Variants in TNPO1 observed in about 807,000 individuals in gnomAD.
TNPO1 encodes transportin-1.
In TNPO1, 8 loss-of-function variants were observed where a neutral mutation model predicts 119.5. The observed-to-expected ratio is 0.07, with a 90% CI of 0.04 to 0.12. The LOEUF (loss-of-function observed/expected upper bound fraction) is 0.12. Ranked by LOEUF, TNPO1 falls within the 10% of genes least tolerant of loss-of-function variation. The pLI is 1.00. For missense variants in TNPO1, 576 were observed against 1,089.8 expected (o/e 0.53, Z 6.64); for synonymous variants, 362 against 363.0 (o/e 1.00, Z 0.03).
In TNPO1 at chr5:72,889,968, G is replaced by A; in HGVS notation, c.1701+11G>A. ...CATTTAAACAAACCAGTAAGTATCT[G>A]TTAAGAACTATTAGGGAAAATAATG... On this transcript the variant is annotated intron_variant, in intron 14 of 24. Coordinates refer to ENST00000337273, the MANE Select transcript of TNPO1 (RefSeq NM_002270.4). The A allele has an allele frequency of 1.2e-6, 2 of 1,610,166 alleles. No individual in the cohort carries two copies. Among genetic ancestry groups the A allele is most frequent in the South Asian group, 2.2e-5 (2 of 90,534 alleles).
intron 24 of TNPO1, among the ~76,000 whole-genome samples, chr5:72,906,055 C>G (rs1014885013): frequency 1.4e-4 from 22 of 152,070 alleles, no homozygotes; most frequent in African/African-American, 3.9e-4. Context: ...TTCAACTATT[C>G]CTTTTTTCTT....
Position 72,826,526 on chromosome 5 carries a change from A to AT in TNPO1, c.15+9780dup, listed in dbSNP as rs200808962. 5.0e-3 allele frequency among the ~76,000 whole-genome samples: 758 copies of AT among 152,144 alleles called. 5 individuals carry two copies. The highest frequency in any genetic ancestry group is 0.024 in the Middle Eastern group (7 of 294). ...TCCAAGAGGGCAAGATCTTTGTTTT[A>AT]TTTTTTGCTGTATCTGCAAGATACA... is the stretch of plus-strand genomic sequence containing the variant. On this transcript the variant is annotated intron_variant, in intron 1 of 24. Coordinates refer to ENST00000337273, the MANE Select transcript of TNPO1 (RefSeq NM_002270.4).
At chr5:72,904,143 T>C (rs1749972728) in intron 23 of TNPO1, among the ~76,000 whole-genome samples, 1 of 152,184 alleles carries the variant, frequency 6.6e-6, no homozygotes, top group Non-Finnish European at 1.5e-5. Context: ...TAAGCCCATG[T>C]CATTATTTGC....
chr5:72,897,525 A>G (rs537371664), intron 20 of TNPO1, among the ~76,000 whole-genome samples: 1 of 151,922 alleles, frequency 6.6e-6, no homozygotes, highest in East Asian at 1.9e-4. Flanking sequence ...AGTCAAAAAG[A>G]TTCAGTGGCA....
At chr5:72,857,106 G>C (rs1462951633) in intron 4 of TNPO1, among the ~76,000 whole-genome samples, 1 of 152,076 alleles carries the variant, frequency 6.6e-6, no homozygotes, top group East Asian at 1.9e-4. Context: ...GATCACCTGA[G>C]GTCAGGAGTT....
At chr5:72,853,248 C>A (rs535960767) in intron 3 of TNPO1, among the ~76,000 whole-genome samples, 4 of 152,212 alleles carry the variant, frequency 2.6e-5, no homozygotes, top group African/African-American at 7.2e-5. Flanking sequence ...GCAAGGAGTT[C>A]AAGATCAGCA....
chr5:72,881,528 A>T (rs961752753), intron 9 of TNPO1, among the ~76,000 whole-genome samples: 4 of 152,158 alleles, frequency 2.6e-5, no homozygotes, highest in Non-Finnish European at 5.9e-5. Context: ...ACACTCCCCT[A>T]GGGGGATTGT....
intron 15 of TNPO1, among the ~76,000 whole-genome samples, chr5:72,892,843 A>T (rs1199635759): frequency 1.3e-5 from 2 of 152,150 alleles, no homozygotes; most frequent in Non-Finnish European, 2.9e-5. Context: ...CATGAAATGA[A>T]TCTCTTCAAT....
At chr5:72,848,176 CG>C in intron 1 of TNPO1, 1 of 1,224,224 alleles carries the variant, frequency 8.2e-7, no homozygotes, top group Admixed American at 4.4e-5. Context: ...CAGCAGCAGA[CG>C]CTGGCGGCCG....
At chr5:72,903,156 G>T (rs1013380172) in intron 22 of TNPO1, among the ~76,000 whole-genome samples, 1 of 151,876 alleles carries the variant, frequency 6.6e-6, no homozygotes, top group African/African-American at 2.4e-5. Context: ...CCAAAAGTTG[G>T]GTTTTTTGTT....
At chr5:72,890,256 C>G (rs949583573) in intron 14 of TNPO1, among the ~76,000 whole-genome samples, 1 of 152,184 alleles carries the variant, frequency 6.6e-6, no homozygotes, top group Non-Finnish European at 1.5e-5. Flanking sequence ...TCTGCTTTTA[C>G]TTAATTCCTA....
At chr5:72,852,437 G>C (rs1241402720) in intron 3 of TNPO1, among the ~76,000 whole-genome samples, 1 of 152,144 alleles carries the variant, frequency 6.6e-6, no homozygotes. Flanking sequence ...GTTTCTCATA[G>C]CATTATTTGG....
intron 1 of TNPO1, among the ~76,000 whole-genome samples, chr5:72,846,544 T>C (rs1405064864): frequency 6.6e-6 from 1 of 152,238 alleles, no homozygotes; most frequent in African/African-American, 2.4e-5. Context: ...TAACTTGTCT[T>C]ATACAACCAT....
intron 13 of TNPO1, among the ~76,000 whole-genome samples, chr5:72,889,350 G>A (rs763491908): frequency 3.0e-4 from 46 of 152,258 alleles, no homozygotes; most frequent in Admixed American, 5.2e-4. Context: ...GAGCCACCGC[G>A]CCTGGCAGGG....
At chr5:72,880,846 A>T (rs959678112) in intron 9 of TNPO1, among the ~76,000 whole-genome samples, 2 of 149,006 alleles carry the variant, frequency 1.3e-5, no homozygotes, top group Non-Finnish European at 3.0e-5. Context: ...CTCATTTTTA[A>T]TGGCTACATG....
chr5:72,883,080 A>G lies in TNPO1; in HGVS notation c.998A>G (p.Asp333Gly), dbSNP rs1561341957. 6.2e-7 allele frequency: 1 copy of G among 1,612,712 alleles called. No individual in the cohort carries two copies. Among genetic ancestry groups the G allele is most frequent in the Non-Finnish European group, 8.5e-7 (1 of 1,179,632 alleles). The part of the protein sequence containing the change: ...IILLKGDVEE[D>G]ETIPDSEQDI... ...AAACAACAGGGTGATGTTGAAGAAG[A>G]CGAAACGATTCCTGATAGTGAACAG... The change falls in exon 11 of 25, where the codon GAC (aspartate) becomes GGC (glycine). Residue 333 changes from aspartate to glycine, a missense_variant. Asp to Gly is a moderately conservative substitution (Grantham distance 94). Transcript: ENST00000337273.
At chr5:72,827,779 G>A (rs922496432) in intron 1 of TNPO1, among the ~76,000 whole-genome samples, 5 of 151,948 alleles carry the variant, frequency 3.3e-5, no homozygotes, top group Non-Finnish European at 7.4e-5. Flanking sequence ...AATTAGCTGG[G>A]CATGGTGGCA....
In TNPO1 at chr5:72,886,265, G is replaced by A. The variant is rs80290843; in HGVS notation, c.1151-805G>A. Among the ~76,000 whole-genome samples the A allele has an allele frequency of 6.0e-3, 909 of 152,180 alleles. 6 individuals carry two copies. The highest frequency in any genetic ancestry group is 0.021 in the African/African-American group (889 of 41,508). ...AATTCTTTGTAAAGAGTATTTTCTA[G>A]CATGCGTTATGTTTCATGTGCCAGT... On this transcript the variant is annotated intron_variant, in intron 11 of 24. Coordinates refer to ENST00000337273, the MANE Select transcript of TNPO1 (RefSeq NM_002270.4).
At chr5:72,849,769 T>C (rs1464011388) in intron 2 of TNPO1, among the ~76,000 whole-genome samples, 1 of 152,224 alleles carries the variant, frequency 6.6e-6, no homozygotes, top group Non-Finnish European at 1.5e-5. Flanking sequence ...TTGTATCTTG[T>C]AAACAGTGCT....
Sources: allele counts gnomAD v4.1 joint callset (sites outside exome capture counted in the v4.1 genomes callset), GRCh38; gene constraint gnomAD v4.1.1; transcripts MANE v1.5; gene names NCBI Gene and HGNC (gene_info 2026-07-23, HGNC 2026-07-21).